The following CSMD1 variants were observed in gnomAD, a reference collection of about 807,000 sequenced individuals.
The protein encoded by CSMD1 is CUB and sushi domain-containing protein 1.
A neutral mutation model predicts 417.5 loss-of-function variants in CSMD1; 213 were observed. That is an observed-to-expected ratio of 0.51 (90% CI 0.46 to 0.57). The LOEUF is 0.57. CSMD1 is among the 20% of genes least tolerant of loss of function. CSMD1 has a pLI of 0.00. For missense variants in CSMD1, 6,923 were observed against 4,529.7 expected (o/e 1.53, Z -15.17); for synonymous variants, 2,862 against 1,736.8 (o/e 1.65, Z -16.11).
chr8:3,270,705 T>C (rs1266755462), intron 26 of CSMD1, among the ~76,000 whole-genome samples: 4 of 152,162 alleles, frequency 2.6e-5, no homozygotes, highest in Non-Finnish European at 4.4e-5. Context: ...TACTTTAAAC[T>C]ATTTATCAAC....
chr8:4,531,762 A>G, intron 2 of CSMD1, among the ~76,000 whole-genome samples: 1 of 152,184 alleles, frequency 6.6e-6, no homozygotes, highest in East Asian at 1.9e-4. Context: ...AAAAGTATAC[A>G]ATCTGGTGCT....
rs1168896500 is a variant in CSMD1, at chr8:2,978,648, T to C, written c.8530A>G (p.Asn2844Asp). 6.2e-7 allele frequency: 1 copy of C among 1,605,244 alleles called. No individual in the cohort carries two copies. Among genetic ancestry groups the C allele is most frequent in the Non-Finnish European group, 8.5e-7 (1 of 1,175,714 alleles). Reference sequence around the variant, plus strand: ...GGCAGGGATCGGTCCCATAAGCCATTTGCCATACAGGTCAAGGCTGAAGAT... The same window carrying C: ...GGCAGGGATCGGTCCCATAAGCCATCTGCCATACAGGTCAAGGCTGAAGAT... ...LGSSALTCMA[N>D]GLWDRSLPKC... Residue 2844 changes from asparagine to aspartate, a missense_variant, in exon 55 of 70, where the codon AAT becomes GAT. Transcript: ENST00000635120.
chr8:2,981,371 G>C (rs1805409846), intron 54 of CSMD1, among the ~76,000 whole-genome samples: 1 of 152,220 alleles, frequency 6.6e-6, no homozygotes, highest in African/African-American at 2.4e-5. Flanking sequence ...ACTAGAAGGA[G>C]AAATGGCCAG....
intron 23 of CSMD1, among the ~76,000 whole-genome samples, chr8:3,320,854 A>G (rs949768759): frequency 2.6e-5 from 4 of 152,180 alleles, no homozygotes; most frequent in Non-Finnish European, 4.4e-5. Context: ...ATGGGGATAC[A>G]ACGCCTGCTT....
At chr8:4,534,722 G>C (rs1367037535) in intron 2 of CSMD1, among the ~76,000 whole-genome samples, 1 of 152,028 alleles carries the variant, frequency 6.6e-6, no homozygotes, top group East Asian at 1.9e-4. Context: ...GCTTGCTTAG[G>C]ATTATGACCT....
intron 23 of CSMD1, among the ~76,000 whole-genome samples, chr8:3,319,493 ATAGT>A (rs1361314114): frequency 3.3e-5 from 5 of 152,246 alleles, no homozygotes; most frequent in African/African-American, 1.2e-4. Flanking sequence ...CAAGTAAAAG[ATAGT>A]TCTACCAATA....
At chr8:4,068,313 A>G (rs1799365227) in intron 3 of CSMD1, among the ~76,000 whole-genome samples, 1 of 152,170 alleles carries the variant, frequency 6.6e-6, no homozygotes, top group Non-Finnish European at 1.5e-5. Flanking sequence ...GTATTGCGGG[A>G]GAGCTGTGAG....
chr8:4,496,148 A>G (rs1277929490), intron 2 of CSMD1, among the ~76,000 whole-genome samples: 2 of 152,226 alleles, frequency 1.3e-5, no homozygotes, highest in Non-Finnish European at 2.9e-5. Flanking sequence ...TCGACTCGCA[A>G]TTCCTTTGAA....
intron 7 of CSMD1, among the ~76,000 whole-genome samples, chr8:3,621,422 G>T (rs1297905081): frequency 1.3e-5 from 2 of 152,130 alleles, no homozygotes; most frequent in African/African-American, 2.4e-5. Context: ...TGATGGTTTT[G>T]CCAGGGGCTG....
At chr8:3,556,597 T>C (rs555678428) in intron 10 of CSMD1, among the ~76,000 whole-genome samples, 3 of 151,430 alleles carry the variant, frequency 2.0e-5, no homozygotes, top group South Asian at 2.1e-4. Context: ...CACTCTATCA[T>C]TGCCTTTAGG....
At chr8:4,841,444 T>C (rs572070464) in intron 1 of CSMD1, among the ~76,000 whole-genome samples, 203 of 152,316 alleles carry the variant, frequency 1.3e-3, no homozygotes, top group African/African-American at 4.7e-3. Flanking sequence ...CCACATGTTA[T>C]GTGTTCAGTG....
At chr8:4,461,169 A>AGATAC (rs1563200635) in intron 2 of CSMD1, among the ~76,000 whole-genome samples, 4 of 79,050 alleles carry the variant, frequency 5.1e-5, no homozygotes, top group African/African-American at 1.8e-4. Flanking sequence ...TTACCAGATA[A>AGATAC]AAAGTGACAA....
intron 5 of CSMD1, among the ~76,000 whole-genome samples, chr8:3,964,332 C>A (rs1274842022): frequency 6.6e-6 from 1 of 152,158 alleles, no homozygotes; most frequent in Admixed American, 6.6e-5. Context: ...CATTGTGTCA[C>A]CGTGACTTAT....
intron 3 of CSMD1, among the ~76,000 whole-genome samples, chr8:4,261,007 T>C (rs1460641897): frequency 6.6e-6 from 1 of 152,192 alleles, no homozygotes. Context: ...TCAATTAAAA[T>C]ACAAAGTTCA....
chr8:3,929,354 A>G (rs1809976043), intron 5 of CSMD1, among the ~76,000 whole-genome samples: 1 of 150,636 alleles, frequency 6.6e-6, no homozygotes, highest in Non-Finnish European at 1.5e-5. Context: ...TTTTAATACT[A>G]GACATTATTT....
At chr8:4,320,471 C>G (rs927015380) in intron 3 of CSMD1, among the ~76,000 whole-genome samples, 1 of 152,100 alleles carries the variant, frequency 6.6e-6, no homozygotes, top group Admixed American at 6.5e-5. Context: ...AACCTGCGAT[C>G]TACATTAGAT....
chr8:4,672,345 G>A (rs1186862663), intron 1 of CSMD1, among the ~76,000 whole-genome samples: 3 of 152,166 alleles, frequency 2.0e-5, no homozygotes, highest in Admixed American at 6.5e-5. Flanking sequence ...AGATGGGTTG[G>A]ATGCTGACTT....
Position 3,708,422 on chromosome 8 carries a change from T to G in CSMD1, c.1001A>C (p.Asn334Thr). The change falls in exon 7 of 70, where the codon AAC becomes ACC. Residue 334 changes from asparagine to threonine, a missense_variant. By Grantham distance (65) the Asn-to-Thr change is moderately conservative (BLOSUM62 0). Coordinates refer to ENST00000635120, the MANE Select transcript of CSMD1 (RefSeq NM_033225.6). The part of the protein sequence containing the change: ...MLPSKDGSHK[N>T]SVLSQGGVAL... ...AAAGGAAAGGGACTCACAGACAGAG[T>G]TTTTATGGCTTCCATCCTTGCTGGG... 4 of 1,613,338 alleles carry G rather than the reference T, an allele frequency of 2.5e-6. No homozygotes were observed. Among genetic ancestry groups the G allele is most frequent in the Non-Finnish European group, 2.5e-6 (3 of 1,179,588 alleles).
chr8:3,894,113 G>A (rs1275850359), intron 5 of CSMD1, among the ~76,000 whole-genome samples: 2 of 152,148 alleles, frequency 1.3e-5, no homozygotes, highest in Non-Finnish European at 2.9e-5. Flanking sequence ...CGTCTATTCT[G>A]CACCTCACTT....
Sources: allele counts gnomAD v4.1 joint callset (sites outside exome capture counted in the v4.1 genomes callset), GRCh38; gene constraint gnomAD v4.1.1; transcripts MANE v1.5; gene names NCBI Gene and HGNC (gene_info 2026-07-23, HGNC 2026-07-21).